The following MARCHF3 variants were observed in gnomAD, a reference collection of about 807,000 sequenced individuals.
The protein encoded by MARCHF3 is E3 ubiquitin-protein ligase MARCHF3.
MARCHF3 carries 13 observed loss-of-function variants against 24.2 expected under a neutral mutation model. The ratio of observed to expected loss-of-function variants is 0.54; its 90% CI spans 0.35 to 0.85. The LOEUF (loss-of-function observed/expected upper bound fraction) is 0.85, where lower values mean the gene tolerates loss of function less well. Among genes scored for constraint, MARCHF3 ranks in the 40% least tolerant of loss-of-function variants. The pLI, the probability that MARCHF3 is intolerant of heterozygous loss-of-function variation, is 0.01. For missense variants in MARCHF3, 276 were observed against 325.0 expected, an observed-to-expected ratio of 0.85 and a Z score of 1.16; for synonymous variants, 144 against 137.3, an observed-to-expected ratio of 1.05 and a Z score of -0.34.
At chr5:126,943,317 C>T (rs928360176) in intron 1 of MARCHF3, among the ~76,000 whole-genome samples, 1 of 151,608 alleles carries the variant, frequency 6.6e-6, no homozygotes, top group Admixed American at 6.6e-5. Context: ...ATGGCTCACA[C>T]TTGTAATCCC....
At chr5:126,889,026 A>C (rs2126773969) in intron 3 of MARCHF3, among the ~76,000 whole-genome samples, 1 of 152,254 alleles carries the variant, frequency 6.6e-6, no homozygotes, top group Admixed American at 6.5e-5. Context: ...TGGCCTCCCA[A>C]AGTGCTGGGA....
chr5:127,013,752 T>C (rs1752544390), intron 1 of MARCHF3, among the ~76,000 whole-genome samples: 1 of 152,176 alleles, frequency 6.6e-6, no homozygotes, highest in Non-Finnish European at 1.5e-5. Context: ...AATCCATCTA[T>C]ATAAGGCCAA....
rs193216860 is a variant in MARCHF3, at chr5:126,986,093, G to A, written c.-57+44257C>T. 7.9e-5 allele frequency among the ~76,000 whole-genome samples: 12 copies of A among 152,350 alleles called. No individual in the cohort carries two copies. In the East Asian group the frequency reaches 2.3e-3, roughly 29 times the overall value. On this transcript the variant is annotated intron_variant, in intron 1 of 4. Coordinates refer to ENST00000308660, the MANE Select transcript of MARCHF3 (RefSeq NM_178450.5). ...ATTGTCAAATATTCCCCAAGGATAT[G>A]TACAGCATAGTGTAACATATGCAAA...
intron 1 of MARCHF3, among the ~76,000 whole-genome samples, chr5:126,962,020 C>T (rs113953331): frequency 0.018 from 2,698 of 152,264 alleles, 44 homozygotes; most frequent in Non-Finnish European, 0.027. Context: ...ACAGTGTAAA[C>T]AAACAGGCAC....
intron 1 of MARCHF3, among the ~76,000 whole-genome samples, chr5:126,922,394 A>G (rs1339069312): frequency 6.6e-6 from 1 of 152,166 alleles, no homozygotes; most frequent in Non-Finnish European, 1.5e-5. Flanking sequence ...ACAAGATAAT[A>G]CATATGAATT....
chr5:127,019,589 T>G (rs886754645), intron 1 of MARCHF3, among the ~76,000 whole-genome samples: 1 of 152,188 alleles, frequency 6.6e-6, no homozygotes, highest in African/African-American at 2.4e-5. Flanking sequence ...TGTCTCCAAG[T>G]AACATCTAAA....
At chr5:127,012,101 C>A (rs1752492646) in intron 1 of MARCHF3, among the ~76,000 whole-genome samples, 1 of 152,202 alleles carries the variant, frequency 6.6e-6, no homozygotes, top group South Asian at 2.1e-4. Context: ...GTCTCATGTT[C>A]TACCATCAAT....
chr5:127,002,964 T>G (rs371498406), intron 1 of MARCHF3, among the ~76,000 whole-genome samples: 6 of 152,010 alleles, frequency 3.9e-5, no homozygotes, highest in African/African-American at 1.5e-4. Context: ...GAGGGAGCAA[T>G]CGATAACCAG....
At chr5:127,025,265 A>G (rs1412657810) in intron 1 of MARCHF3, among the ~76,000 whole-genome samples, 1 of 151,490 alleles carries the variant, frequency 6.6e-6, no homozygotes. Flanking sequence ...ACACTATTAT[A>G]TATGCCTCTG....
intron 1 of MARCHF3, among the ~76,000 whole-genome samples, chr5:127,006,691 C>T (rs1361016524): frequency 6.6e-6 from 1 of 152,140 alleles, no homozygotes; most frequent in Non-Finnish European, 1.5e-5. Flanking sequence ...GACAGTTCTT[C>T]ATTAAGTATT....
chr5:126,990,996 C>G (rs190199228), intron 1 of MARCHF3, among the ~76,000 whole-genome samples: 2 of 152,322 alleles, frequency 1.3e-5, no homozygotes, highest in East Asian at 1.9e-4. Flanking sequence ...GTGGCGATTT[C>G]TCAAGGATCT....
intron 1 of MARCHF3, among the ~76,000 whole-genome samples, chr5:126,959,792 C>T (rs1045479845): frequency 1.1e-4 from 16 of 152,148 alleles, no homozygotes; most frequent in East Asian, 3.9e-4. Flanking sequence ...TTCTTAAAGC[C>T]GTAATTACTA....
chr5:126,972,208 T>C (rs905298029), intron 1 of MARCHF3, among the ~76,000 whole-genome samples: 1 of 151,334 alleles, frequency 6.6e-6, no homozygotes, highest in East Asian at 1.9e-4. Flanking sequence ...TGCATTCTGT[T>C]TGGAACAGAG....
At chr5:126,982,582 G>C (rs931042348) in intron 1 of MARCHF3, among the ~76,000 whole-genome samples, 5 of 152,146 alleles carry the variant, frequency 3.3e-5, no homozygotes, top group Non-Finnish European at 7.4e-5. Flanking sequence ...ACAGTCCTAG[G>C]ATCTACTAGA....
At chr5:126,901,118 G>A (rs1381398400) in intron 3 of MARCHF3, among the ~76,000 whole-genome samples, 2 of 152,016 alleles carry the variant, frequency 1.3e-5, no homozygotes, top group Non-Finnish European at 2.9e-5. Context: ...TACAGAATAC[G>A]ATAATATCTG....
chr5:126,929,006 A>G (rs1749390680), intron 1 of MARCHF3, among the ~76,000 whole-genome samples: 1 of 152,116 alleles, frequency 6.6e-6, no homozygotes, highest in African/African-American at 2.4e-5. Flanking sequence ...AATTTCCCCA[A>G]TTGTCTCAAA....
intron 1 of MARCHF3, among the ~76,000 whole-genome samples, chr5:127,006,330 G>A (rs892209819): frequency 2.6e-5 from 4 of 151,548 alleles, no homozygotes; most frequent in Admixed American, 1.3e-4. Flanking sequence ...TAAAAATCTC[G>A]CTTTAATTAT....
intron 3 of MARCHF3, among the ~76,000 whole-genome samples, chr5:126,912,688 G>A (rs776783804): frequency 7.6e-4 from 115 of 152,168 alleles, no homozygotes; most frequent in Non-Finnish European, 1.2e-3. Context: ...AATGTCATTT[G>A]TTTAAAACTC....
At chr5:126,894,035 C>T (rs1304779812) in intron 3 of MARCHF3, among the ~76,000 whole-genome samples, 7 of 137,050 alleles carry the variant, frequency 5.1e-5, no homozygotes, top group Non-Finnish European at 1.1e-4. Flanking sequence ...ATCCCTTTAC[C>T]ATTAAGTAAT....
Sources: gnomAD v4.1 joint callset for allele counts (sites outside exome capture counted in the v4.1 genomes callset) on GRCh38, gnomAD v4.1.1 for gene constraint, MANE v1.5 for transcripts, NCBI Gene and HGNC (gene_info 2026-07-23, HGNC 2026-07-21) for gene names.